Variants in CPVL observed in about 807,000 individuals in gnomAD.
CPVL encodes the protein carboxypeptidase vitellogenic like, also known as probable serine carboxypeptidase CPVL.
Under a neutral mutation model 63.7 loss-of-function variants are expected in CPVL, and 51 were observed. The observed-to-expected ratio is 0.80, with a 90% CI of 0.64 to 1.01. CPVL has a LOEUF of 1.01. CPVL is among the 50% of genes least tolerant of loss of function. The pLI, the probability that CPVL is intolerant of heterozygous loss-of-function variation, is 0.00. For synonymous variants in CPVL, 195 were observed against 206.0 expected, an observed-to-expected ratio of 0.95 and a Z score of 0.46; for missense variants, 530 against 573.1, an observed-to-expected ratio of 0.92 and a Z score of 0.77.
At chr7:29,092,988 T>C (rs1785983742) in intron 5 of CPVL, among the ~76,000 whole-genome samples, 1 of 152,148 alleles carries the variant, frequency 6.6e-6, no homozygotes, top group Non-Finnish European at 1.5e-5. Context: ...CAGATGTTGA[T>C]TTAAGGAAGA....
chr7:29,097,199 T>C (rs1485249446), intron 3 of CPVL, among the ~76,000 whole-genome samples: 2 of 151,836 alleles, frequency 1.3e-5, no homozygotes, highest in East Asian at 1.9e-4. Flanking sequence ...ATGTTGAAAA[T>C]GAGCTACTGG....
chr7:29,195,406 G>A (rs1389785270), upstream of CPVL: 1 of 198,542 alleles, frequency 5.0e-6, no homozygotes, highest in African/African-American at 2.3e-5. Context: ...ATCCGGAGCA[G>A]AGGGGAGCAA....
chr7:29,120,681 C>A (rs1789271052), intron 2 of CPVL, among the ~76,000 whole-genome samples: 1 of 151,744 alleles, frequency 6.6e-6, no homozygotes, highest in East Asian at 1.9e-4. Context: ...ATTATCTGGG[C>A]ATGGTGGCTT....
intron 11 of CPVL, 102 bp downstream of exon 11, chr7:29,063,959 T>TAAAAAAAAA: frequency 1.3e-6 from 1 of 748,662 alleles, no homozygotes; most frequent in Non-Finnish European, 2.2e-6. Flanking sequence ...TGACACATCA[T>TAAAAAAAAA]AAAAGTTAAA....
chr7:29,141,859 G>A (rs1346723373), intron 1 of CPVL, among the ~76,000 whole-genome samples: 1 of 151,842 alleles, frequency 6.6e-6, no homozygotes, highest in East Asian at 1.9e-4. Context: ...AGGTTGCAGT[G>A]AGCTGAGATT....
intron 5 of CPVL, among the ~76,000 whole-genome samples, chr7:29,173,248 C>A: frequency 6.6e-6 from 1 of 151,914 alleles, no homozygotes; most frequent in Non-Finnish European, 1.5e-5. Flanking sequence ...TAAGCAGGAA[C>A]CCAGAGGAAA....
chr7:29,174,593 G>C (rs1452778174), intron 5 of CPVL, among the ~76,000 whole-genome samples: 1 of 152,208 alleles, frequency 6.6e-6, no homozygotes, highest in Non-Finnish European at 1.5e-5. Context: ...CAGGTGCAGT[G>C]ACTCACGCCT....
rs1554324599 is a variant in CPVL, at chr7:29,002,880, AAG to A, written c.1321-7000_1321-6999del. Reference sequence around the variant, plus strand: ...GTATGAAAATTCAAAAAAAAAAAAAAAGAAGAAGAAGACGACATGAAACCATG... The same window carrying A: ...GTATGAAAATTCAAAAAAAAAAAAAAAAGAAGAAGACGACATGAAACCATG... On this transcript the variant is annotated intron_variant, in intron 12 of 12. Coordinates refer to ENST00000265394, the MANE Select transcript of CPVL (RefSeq NM_031311.5). 4.6e-3 allele frequency among the ~76,000 whole-genome samples: 671 copies of A among 144,542 alleles called. 3 individuals are homozygous for A. Among genetic ancestry groups the A allele is most frequent in the Non-Finnish European group, 8.7e-3 (556 of 64,226 alleles). 94.8% of individuals were successfully genotyped at this position (144,542 alleles called of 152,430 possible).
At chr7:29,083,579 G>A (rs1262168660) in intron 7 of CPVL, among the ~76,000 whole-genome samples, 1 of 152,178 alleles carries the variant, frequency 6.6e-6, no homozygotes, top group Non-Finnish European at 1.5e-5. Context: ...GGAGAAGCAG[G>A]AGTACCACAT....
intron 2 of CPVL, among the ~76,000 whole-genome samples, chr7:29,114,098 CAG>C (rs1173693977): frequency 6.6e-6 from 1 of 152,150 alleles, no homozygotes; most frequent in Non-Finnish European, 1.5e-5. Flanking sequence ...GCTCAGCATT[CAG>C]AGACATTGAC....
At chr7:29,178,329 C>T (rs370644696) in intron 5 of CPVL, among the ~76,000 whole-genome samples, 25 of 152,172 alleles carry the variant, frequency 1.6e-4, no homozygotes, top group African/African-American at 5.3e-4. Context: ...TCCACTATGA[C>T]CCACGTGGCT....
chr7:29,111,323 C>A (rs932032820), intron 3 of CPVL, among the ~76,000 whole-genome samples: 1 of 152,252 alleles, frequency 6.6e-6, no homozygotes, highest in African/African-American at 2.4e-5. Context: ...CCCTGTTAGG[C>A]AGACCCCTAT....
At chr7:29,097,961 C>T (rs1391388694) in intron 3 of CPVL, among the ~76,000 whole-genome samples, 1 of 152,108 alleles carries the variant, frequency 6.6e-6, no homozygotes, top group Non-Finnish European at 1.5e-5. Flanking sequence ...CAGGCGAATC[C>T]CCCAGAACCA....
At position 29,030,740 on chromosome 7, in the gene CPVL, T is replaced by C. The variant is rs763825813; in HGVS notation, c.1157A>G (p.Gln386Arg). ...GGCAGCTGCCACGATGATGTCCAGT[T>C]GGCCATTGTAGATCAGAACCTGAAA... is the stretch of plus-strand genomic sequence containing the variant. ...NNYKVLIYNG[Q>R]LDIIVAAALT... The change falls in exon 12 of 13, where the codon CAA becomes CGA. Residue 386 changes from glutamine to arginine, a missense_variant. Gln to Arg is a conservative substitution (Grantham distance 43). Coordinates refer to ENST00000265394, the MANE Select transcript of CPVL (RefSeq NM_031311.5). 1.2e-6 allele frequency: 2 copies of C among 1,610,332 alleles called. No homozygotes were observed. The highest frequency in any genetic ancestry group is 1.1e-5 in the South Asian group (1 of 90,166).
upstream of CPVL, chr7:29,147,010 C>G (rs1182804157): frequency 1.3e-6 from 2 of 1,549,602 alleles, no homozygotes; most frequent in South Asian, 2.4e-5. Flanking sequence ...TCCTGAATCA[C>G]TGCGCTGGAG....
chr7:29,048,134 TTAAAAGGCAAAAA>T (rs1407060103), intron 11 of CPVL, among the ~76,000 whole-genome samples: 9 of 151,798 alleles, frequency 5.9e-5, no homozygotes, highest in South Asian at 2.1e-4. Flanking sequence ...AAAATACAAT[TTAAAAGGCAAAAA>T]TAAAAGGCAA....
intron 1 of CPVL, chr7:29,194,124 C>G (rs1783250508): frequency 6.6e-6 from 1 of 152,614 alleles, no homozygotes; most frequent in Non-Finnish European, 1.5e-5. Context: ...CCCTCTGGAT[C>G]CCCCACCCCC....
intron 12 of CPVL, chr7:29,010,491 C>T (rs1785706674): frequency 6.6e-6 from 1 of 152,146 alleles, no homozygotes; most frequent in South Asian, 2.1e-4. Flanking sequence ...CTTTTATTTC[C>T]TATTAGGCTG....
At chr7:29,168,828 A>T (rs1195663264) in intron 5 of CPVL, among the ~76,000 whole-genome samples, 1 of 152,244 alleles carries the variant, frequency 6.6e-6, no homozygotes, top group Non-Finnish European at 1.5e-5. Context: ...ACTACTAAGT[A>T]TGTATTATGT....
Sources: allele counts gnomAD v4.1 joint callset (sites outside exome capture counted in the v4.1 genomes callset), GRCh38; gene constraint gnomAD v4.1.1; transcripts MANE v1.5; gene names NCBI Gene and HGNC (gene_info 2026-07-23, HGNC 2026-07-21).